The following RBFOX1 variants were observed in gnomAD, a reference collection of about 807,000 sequenced individuals.
RBFOX1 encodes the protein RNA binding protein fox-1 homolog 1.
In RBFOX1, 8 loss-of-function variants were observed where a neutral mutation model predicts 57.7. The observed-to-expected ratio is 0.14, with a 90% CI of 0.08 to 0.25. The LOEUF (loss-of-function observed/expected upper bound fraction) is 0.25, where lower values mean the gene tolerates loss of function less well. Among genes scored for constraint, RBFOX1 ranks in the 10% least tolerant of loss-of-function variants. RBFOX1 has a pLI of 1.00. For missense variants in RBFOX1, 611 were observed against 548.5 expected (o/e 1.11, Z -1.14); for synonymous variants, 326 against 222.4 (o/e 1.47, Z -4.15).
intron 1 of RBFOX1, among the ~76,000 whole-genome samples, chr16:6,103,073 G>A (rs898359859): frequency 6.6e-6 from 1 of 152,212 alleles, no homozygotes; most frequent in Non-Finnish European, 1.5e-5. Context: ...ATCGAAGTTG[G>A]ACACTTGTTG....
chr16:6,750,735 G>C (rs952139712), intron 3 of RBFOX1, among the ~76,000 whole-genome samples: 3 of 152,182 alleles, frequency 2.0e-5, no homozygotes, highest in African/African-American at 7.2e-5. Flanking sequence ...TAAAGGGATA[G>C]GGCAGTGTAT....
chr16:7,657,624 T>C (rs1451090040), intron 12 of RBFOX1, among the ~76,000 whole-genome samples: 1 of 152,238 alleles, frequency 6.6e-6, no homozygotes, highest in African/African-American at 2.4e-5. Flanking sequence ...TTTCCTTTTA[T>C]TGATTTGCCT....
rs563199665 is a variant in RBFOX1, at chr16:6,759,855, A to C, written c.-16+105205A>C. On this transcript the variant is annotated intron_variant, in intron 3 of 15. Coordinates refer to ENST00000550418, the MANE Select transcript of RBFOX1 (RefSeq NM_018723.4). ...TAGCAAGACAGTGGAAAATTACCCA[A>C]ATGGCCTATAACAGCGAACTGATGA... is the stretch of plus-strand genomic sequence containing the variant. Among the ~76,000 whole-genome samples, 12 of 152,312 alleles carry C rather than the reference A, an allele frequency of 7.9e-5. No individual in the cohort carries two copies. The East Asian group carries it at 2.3e-3, about 29-fold the overall frequency.
At chr16:5,844,713 C>A (rs2056708887) in intron 3 of RBFOX1, among the ~76,000 whole-genome samples, 1 of 152,140 alleles carries the variant, frequency 6.6e-6, no homozygotes, top group Non-Finnish European at 1.5e-5. Context: ...TCGGATTAGT[C>A]ATTATTAAAC....
chr16:7,156,007 A>G lies in RBFOX1; in HGVS notation c.27+103909A>G, dbSNP rs2077037962. On this transcript the variant is annotated intron_variant, in intron 4 of 15. Coordinates refer to ENST00000550418, the MANE Select transcript of RBFOX1 (RefSeq NM_018723.4). ...AGATATGTTTTATATATATATCTAC[A>G]CACACACTCACACATACACACACGC... is the stretch of plus-strand genomic sequence containing the variant. Among the ~76,000 whole-genome samples, 5 of 151,904 alleles carry G rather than the reference A, an allele frequency of 3.3e-5. No homozygotes were observed. In the South Asian group the frequency reaches 1.0e-3, roughly 32 times the overall value.
At chr16:5,623,274 T>G (rs1354937405) in intron 3 of RBFOX1, among the ~76,000 whole-genome samples, 1 of 152,088 alleles carries the variant, frequency 6.6e-6, no homozygotes, top group East Asian at 1.9e-4. Flanking sequence ...AGGACTCTAG[T>G]GGATTTCTTA....
At chr16:7,541,411 G>A (rs1440934835) in intron 5 of RBFOX1, among the ~76,000 whole-genome samples, 1 of 151,904 alleles carries the variant, frequency 6.6e-6, no homozygotes, top group African/African-American at 2.4e-5. Flanking sequence ...GCTCCTTTCT[G>A]CTATGACATC....
At chr16:5,467,908 A>C (rs1210416151) in intron 2 of RBFOX1, among the ~76,000 whole-genome samples, 1 of 152,214 alleles carries the variant, frequency 6.6e-6, no homozygotes, top group African/African-American at 2.4e-5. Flanking sequence ...TCAAGATAGC[A>C]TCTTTTTATT....
At chr16:6,521,637 A>G (rs557538993) in intron 2 of RBFOX1, among the ~76,000 whole-genome samples, 1 of 152,104 alleles carries the variant, frequency 6.6e-6, no homozygotes, top group Non-Finnish European at 1.5e-5. Flanking sequence ...TTATGTTTCA[A>G]AGAAATACTT....
chr16:5,460,696 G>A (rs1459021414), intron 1 of RBFOX1, among the ~76,000 whole-genome samples: 1 of 152,206 alleles, frequency 6.6e-6, no homozygotes, highest in Non-Finnish European at 1.5e-5. Flanking sequence ...TATCAAAAGG[G>A]CTGACTGCTG....
At chr16:7,296,144 C>G (rs1221538113) in intron 4 of RBFOX1, among the ~76,000 whole-genome samples, 3 of 151,370 alleles carry the variant, frequency 2.0e-5, no homozygotes, top group East Asian at 2.0e-4. Flanking sequence ...TCTGTAATGA[C>G]ATTTTCGACA....
intron 4 of RBFOX1, among the ~76,000 whole-genome samples, chr16:5,872,933 A>G (rs1448760849): frequency 6.6e-6 from 1 of 152,038 alleles, no homozygotes; most frequent in Admixed American, 6.6e-5. Context: ...CAGGTGAATT[A>G]TGAGGTCAAG....
chr16:5,563,540 T>G (rs556363442), intron 2 of RBFOX1, among the ~76,000 whole-genome samples: 1 of 152,214 alleles, frequency 6.6e-6, no homozygotes, highest in Non-Finnish European at 1.5e-5. Flanking sequence ...GGAAACATTT[T>G]ACAGTTAACG....
At chr16:7,272,282 T>C (rs897570965) in intron 4 of RBFOX1, among the ~76,000 whole-genome samples, 2 of 152,136 alleles carry the variant, frequency 1.3e-5, no homozygotes, top group Non-Finnish European at 2.9e-5. Context: ...CCTCCCTGGT[T>C]CAAGTGATTG....
rs2077190864 is a variant in RBFOX1, at chr16:7,520,023, C to T, written c.270+1634C>T. 2.0e-5 allele frequency among the ~76,000 whole-genome samples: 3 copies of T among 152,140 alleles called. No individual in the cohort carries two copies. In the South Asian group the frequency reaches 6.2e-4, roughly 32 times the overall value. ...GCCTCAGTCTCCCGAGTAGCTGGGACTACAGGCACCCGCCACCATGTCCGG... is the reference window on the plus strand; with the variant it reads ...GCCTCAGTCTCCCGAGTAGCTGGGATTACAGGCACCCGCCACCATGTCCGG... On this transcript the variant is annotated intron_variant, in intron 5 of 15. Transcript: ENST00000550418.
intron 1 of RBFOX1, among the ~76,000 whole-genome samples, chr16:5,454,950 C>CTTT (rs1567535805): frequency 1.9e-3 from 82 of 42,652 alleles, no homozygotes; most frequent in Admixed American, 3.0e-3. Flanking sequence ...TTCCTTCCTT[C>CTTT]CTTCCTTCCT....
chr16:6,306,332 C>T (rs112859489), intron 1 of RBFOX1, among the ~76,000 whole-genome samples: 2 of 152,272 alleles, frequency 1.3e-5, no homozygotes, highest in Non-Finnish European at 2.9e-5. Flanking sequence ...ATCTCCTTTC[C>T]CTTCAAGCCC....
chr16:7,199,903 A>G (rs989752174), intron 4 of RBFOX1, among the ~76,000 whole-genome samples: 10 of 147,706 alleles, frequency 6.8e-5, no homozygotes, highest in Non-Finnish European at 1.0e-4. Flanking sequence ...TCAAAAAAAC[A>G]AAACAAAACA....
At chr16:7,091,806 A>G (rs2060906609) in intron 4 of RBFOX1, among the ~76,000 whole-genome samples, 1 of 152,202 alleles carries the variant, frequency 6.6e-6, no homozygotes, top group Admixed American at 6.5e-5. Flanking sequence ...GAGCTTCGTT[A>G]TTAACTGAGT....
Sources: allele counts gnomAD v4.1 joint callset (sites outside exome capture counted in the v4.1 genomes callset), GRCh38; gene constraint gnomAD v4.1.1; transcripts MANE v1.5; gene names NCBI Gene and HGNC (gene_info 2026-07-23, HGNC 2026-07-21).